Variants in ELMO3 observed in about 807,000 individuals in gnomAD.
The protein encoded by ELMO3 is engulfment and cell motility protein 3.
In ELMO3, 81 loss-of-function variants were observed where a neutral mutation model predicts 89.0. The observed-to-expected ratio is 0.91, with a 90% CI of 0.76 to 1.09. The LOEUF (loss-of-function observed/expected upper bound fraction) is 1.09. Ranked by LOEUF, ELMO3 falls within the 50% of genes least tolerant of loss-of-function variation. The probability of loss-of-function intolerance (pLI) is 0.00; values close to 1 mark genes in which losing one functional copy is unlikely to be tolerated. For synonymous variants in ELMO3, 406 were observed against 400.6 expected, an observed-to-expected ratio of 1.01 and a Z score of -0.16; for missense variants, 959 against 972.8, an observed-to-expected ratio of 0.99 and a Z score of 0.19.
At position 67,200,944 on chromosome 16, in the gene ELMO3, G is replaced by C; in HGVS notation, c.720G>C (p.Gln240His). 1 of 1,611,944 alleles carries C rather than the reference G, an allele frequency of 6.2e-7. No individual in the cohort carries two copies. Among genetic ancestry groups the C allele is most frequent in the Non-Finnish European group, 8.5e-7 (1 of 1,179,426 alleles). The change falls in exon 8 of 20, where the codon CAG becomes CAC. Residue 240 changes from glutamine (Q) to histidine (H), a missense_variant. By Grantham distance (24) the Gln-to-His change is conservative (BLOSUM62 0). Transcript: ENST00000393997. ...TGGCCCTGCTGACAGCCTTGCTGCA[G>C]GGGGCCAGCCCTGTGGAACGCAAGG... ...KAMALLTALLQGASPVERKHM... is the reference protein window; with the variant it reads ...KAMALLTALLHGASPVERKHM...
chr16:67,200,247 G>C lies in ELMO3; in HGVS notation c.299G>C (p.Arg100Pro). The change falls in exon 5 of 20, where the codon CGC becomes CCC. Residue 100 changes from arginine (R) to proline (P), a missense_variant. Physicochemically the swap from Arg to Pro is moderately radical, Grantham distance 103. Coordinates refer to ENST00000393997, the MANE Select transcript of ELMO3 (RefSeq NM_024712.5). Reference protein sequence around the residue: ...GGLQSNSPEGRREALRRLVPL... With the variant: ...GGLQSNSPEGPREALRRLVPL... ...CTGCAGAGTAACAGTCCTGAAGGGC[G>C]CCGGGAAGCCCTGAGGCGCCTTGTT... 6.2e-7 allele frequency: 1 copy of C among 1,613,734 alleles called. No individual in the cohort carries two copies. The highest frequency in any genetic ancestry group is 8.5e-7 in the Non-Finnish European group (1 of 1,180,030).
At position 67,203,377 on chromosome 16, in the gene ELMO3, G is replaced by A; in HGVS notation, c.1831G>A (p.Val611Ile). The A allele has an allele frequency of 1.2e-6, 2 of 1,610,404 alleles. No individual in the cohort carries two copies. Among genetic ancestry groups the A allele is most frequent in the Non-Finnish European group, 1.7e-6 (2 of 1,179,010 alleles). The part of the protein sequence containing the change: ...ALLTGKDCPH[V>I]REKGSGKQNK... Reference sequence around the variant, plus strand: ...CCTGACAGGCAAGGACTGCCCCCATGTCCGGGAGAAGGGCTCCGGGAAGCA... The same window carrying A: ...CCTGACAGGCAAGGACTGCCCCCATATCCGGGAGAAGGGCTCCGGGAAGCA... The change falls in exon 18 of 20, where the codon GTC becomes ATC. Residue 611 changes from valine to isoleucine, a missense_variant. Transcript: ENST00000393997. This position sits in a 1 kb window ranked among gnomAD's most constrained non-coding sequence, Gnocchi z 4.6.
In ELMO3 at chr16:67,200,748, C is replaced by T. The variant is rs1226650242; in HGVS notation, c.605C>T (p.Ala202Val). The change falls in exon 7 of 20, where the codon GCC becomes GTC. Residue 202 changes from alanine to valine, a missense_variant. Physicochemically the swap from Ala to Val is moderately conservative, Grantham distance 64. Transcript: ENST00000393997. ...GAGAGTGTGACCTTGAGCAGCCCAG[C>T]CCTGGGCCAGCTGGTCAAGAGCGAG... ...LLESVTLSSP[A>V]LGQLVKSEVP... 1 of 1,613,520 alleles carries T rather than the reference C, an allele frequency of 6.2e-7. No homozygotes were observed. The highest frequency in any genetic ancestry group is 8.5e-7 in the Non-Finnish European group (1 of 1,179,978).
chr16:67,202,566 A>G (rs1248535599), intron 14 of ELMO3, 33 bp downstream of exon 14: 5 of 1,612,602 alleles, frequency 3.1e-6, no homozygotes, highest in Non-Finnish European at 4.2e-6. Flanking sequence ...GGCCTGGGCC[A>G]GGGCAGGGGG....
chr16:67,199,700 T>TC lies in ELMO3; in HGVS notation c.137dup (p.Glu47Ter), dbSNP rs1597279077. ...GCCCCTCAGGTGGAGCCTGACGCAC[T>TC]CTGAGCGTTACGCCCTGCAGTTTGC... On this transcript the variant is annotated frameshift_variant, in exon 3 of 20. Coordinates refer to ENST00000393997, the MANE Select transcript of ELMO3 (RefSeq NM_024712.5). LOFTEE classifies it high-confidence loss of function. 2.5e-6 allele frequency: 4 copies of TC among 1,610,812 alleles called. No individual in the cohort carries two copies. The East Asian group carries it at 8.9e-5, about 36-fold the overall frequency.
In ELMO3 at chr16:67,200,249, C is replaced by T. The variant is rs533198861; in HGVS notation, c.301C>T (p.Arg101Trp). The T allele has an allele frequency of 6.2e-6, 10 of 1,613,716 alleles. No homozygotes were observed. The highest frequency in any genetic ancestry group is 1.1e-5 in the South Asian group (1 of 91,082). Residue 101 changes from arginine to tryptophan, a missense_variant, in exon 5 of 20, where the codon CGG becomes TGG. Coordinates refer to ENST00000393997, the MANE Select transcript of ELMO3 (RefSeq NM_024712.5). ...GLQSNSPEGRREALRRLVPLA... is the reference protein window; with the variant it reads ...GLQSNSPEGRWEALRRLVPLA... ...GCAGAGTAACAGTCCTGAAGGGCGCCGGGAAGCCCTGAGGCGCCTTGTTCC... is the reference window on the plus strand; with the variant it reads ...GCAGAGTAACAGTCCTGAAGGGCGCTGGGAAGCCCTGAGGCGCCTTGTTCC...
chr16:67,203,143 C>G lies in ELMO3; in HGVS notation c.1700C>G (p.Ser567Cys). The change falls in exon 17 of 20, where the codon TCC becomes TGC. Residue 567 changes from serine to cysteine, a missense_variant. Coordinates refer to ENST00000393997, the MANE Select transcript of ELMO3 (RefSeq NM_024712.5). This position sits in a 1 kb window ranked among gnomAD's most constrained non-coding sequence, Gnocchi z 4.6. The stretch of plus-strand genomic sequence containing the variant: ...GATAAGCTGTGGTTCTGCTGCCTGT[C>G]CCCCAACCACAAGCTGCTGCAGTAC... ...RQDKLWFCCL[S>C]PNHKLLQYGD... 1.2e-6 allele frequency: 2 copies of G among 1,611,832 alleles called. No individual in the cohort carries two copies. The highest frequency in any genetic ancestry group is 1.7e-6 in the Non-Finnish European group (2 of 1,179,560).
Position 67,201,970 on chromosome 16 carries a change from C to G in ELMO3, c.1051-7C>G, listed in dbSNP as rs199699011. 5 of 1,612,396 alleles carry G rather than the reference C, an allele frequency of 3.1e-6. No homozygotes were observed. Among genetic ancestry groups the G allele is most frequent in the Non-Finnish European group, 3.4e-6 (4 of 1,179,708 alleles). The stretch of plus-strand genomic sequence containing the variant: ...CTTCTTGAACTGCCTGTGCCCACTT[C>G]CCCCAGAACAGCAACCCAGCACAGG... On this transcript the variant is annotated splice_polypyrimidine_tract_variant and splice_region_variant and intron_variant, in intron 11 of 19. Coordinates refer to ENST00000393997, the MANE Select transcript of ELMO3 (RefSeq NM_024712.5).
rs2033060795 is a variant in ELMO3 at position 67,199,987 on chromosome 16, C to T, written c.229C>T (p.Leu77Phe). 1 of 1,613,692 alleles carries T rather than the reference C, an allele frequency of 6.2e-7. No individual in the cohort carries two copies. Among genetic ancestry groups the T allele is most frequent in the Non-Finnish European group, 8.5e-7 (1 of 1,180,038 alleles). ...GATCAAGAATGGCAGCATCCTGTGC[C>T]TCAGCACGGCCCCAGTAATGCCCCT... ...AEIKNGSILC[L>F]STAPDLEAEQ... The change falls in exon 4 of 20, where the codon CTC becomes TTC. Residue 77 changes from leucine to phenylalanine, a missense_variant. Leu to Phe is a conservative substitution (Grantham distance 22, BLOSUM62 0). Coordinates refer to ENST00000393997, the MANE Select transcript of ELMO3 (RefSeq NM_024712.5).
At chr16:67,201,256 AC>A (rs1173414903) in intron 8 of ELMO3, 128 bp from the exon 9 acceptor site, 12 of 964,784 alleles carry the variant, frequency 1.2e-5, no homozygotes, top group Non-Finnish European at 1.6e-5. Context: ...ACGGGGTTTC[AC>A]TGTGTTAGCC....
intron 8 of ELMO3, 101 bp from the exon 9 acceptor site, chr16:67,201,284 C>T (rs964297170): frequency 1.3e-6 from 2 of 1,490,156 alleles, no homozygotes; most frequent in African/African-American, 1.4e-5. Context: ...GCCTCCATCT[C>T]CTGACCTCGT....
Position 67,200,707 on chromosome 16 carries a change from G to A in ELMO3, c.564G>A (p.Leu188=), listed in dbSNP as rs2142218771. Reference sequence around the variant, plus strand: ...TCATGGATGCCTCCGTGCCTCCCCTGGCCCTTGGGCTGCTGGAGAGTGTGA... The same window carrying A: ...TCATGGATGCCTCCGTGCCTCCCCTAGCCCTTGGGCTGCTGGAGAGTGTGA... ...MNLMDASVPP[L]ALGLLESVTL... The change falls in exon 7 of 20, where the codon CTG becomes CTA. Residue 188 remains leucine, a synonymous_variant. Transcript: ENST00000393997. The A allele has an allele frequency of 6.2e-7, 1 of 1,613,578 alleles. No individual in the cohort carries two copies. Among genetic ancestry groups the A allele is most frequent in the Non-Finnish European group, 8.5e-7 (1 of 1,180,006 alleles).
Position 67,200,314 on chromosome 16 carries a change from C to T in ELMO3, c.366C>T (p.Ser122=), listed in dbSNP as rs374854997. 155 of 1,613,764 alleles carry T rather than the reference C, an allele frequency of 9.6e-5. 1 individual carries two copies. Among genetic ancestry groups the T allele is most frequent in the Non-Finnish European group, 1.3e-4 (148 of 1,180,032 alleles). ...TGATCTTTGCCAGGGAGGTCATCAG[C>T]CGTAATGGGCTCCAGATACTAGGCA... ...SDMIFAREVI[S]RNGLQILGTI... Residue 122 remains serine, a synonymous_variant, in exon 5 of 20, where the codon AGC becomes AGT. Transcript: ENST00000393997.
chr16:67,202,354 G>A (rs956515054), intron 13 of ELMO3, 43 bp from the exon 14 acceptor site: 6 of 1,613,516 alleles, frequency 3.7e-6, no homozygotes, highest in Non-Finnish European at 5.1e-6. Flanking sequence ...GCCAGGGGCT[G>A]TATGCACTTT....
At chr16:67,202,824 C>T (rs757194329) in intron 15 of ELMO3, 34 bp downstream of exon 15, 1 of 1,611,860 alleles carries the variant, frequency 6.2e-7, no homozygotes, top group Admixed American at 1.7e-5. Context: ...CAGTCCTAGC[C>T]CTACCTTCCT....
chr16:67,201,734 G>C lies in ELMO3; in HGVS notation c.919-8G>C, dbSNP rs368459803. On this transcript the variant is annotated splice_region_variant and splice_polypyrimidine_tract_variant and intron_variant, in intron 10 of 19. Coordinates refer to ENST00000393997, the MANE Select transcript of ELMO3 (RefSeq NM_024712.5). Reference sequence around the variant, plus strand: ...ATCCCCTCCCCCGCCACCCAACACTGACCCCAGGAGCAGCGGGAGCAGCTG... The same window carrying C: ...ATCCCCTCCCCCGCCACCCAACACTCACCCCAGGAGCAGCGGGAGCAGCTG... 2.0e-5 allele frequency: 32 copies of C among 1,609,130 alleles called. No individual in the cohort carries two copies. Among genetic ancestry groups the C allele is most frequent in the Non-Finnish European group, 2.6e-5 (31 of 1,180,008 alleles).
At position 67,203,224 on chromosome 16, in the gene ELMO3, G is replaced by A. The variant is rs767397701; in HGVS notation, c.1780+1G>A. ...ACCCTGGAGAGTCTGCCCGAGCAAC[G>A]TAAGGCGGGCAGGGGCGGGGGCCAG... On this transcript the variant is annotated splice_donor_variant, in intron 17 of 19. Transcript: ENST00000393997. LOFTEE classifies it high-confidence loss of function. The surrounding 1 kb of genome is among the most constrained non-coding windows in gnomAD (Gnocchi z 4.6). 83 of 1,606,028 alleles carry A rather than the reference G, an allele frequency of 5.2e-5. No homozygotes were observed. In the South Asian group the frequency reaches 6.5e-4, roughly 13 times the overall value.
chr16:67,202,236 A>G lies in ELMO3; in HGVS notation c.1213A>G (p.Ile405Val). The change falls in exon 13 of 20, where the codon ATC becomes GTC. Residue 405 changes from isoleucine (I) to valine (V), a missense_variant. By Grantham distance (29) the Ile-to-Val change is conservative. Transcript: ENST00000393997. ...CGAGTGCCCCTTTGCCCGGGGCAGC[A>G]TCCAGCTGACGGTGCTGCTGTGTGA... Reference protein sequence around the residue: ...KHECPFARGSIQLTVLLCELL... With the variant: ...KHECPFARGSVQLTVLLCELL... 1 of 1,605,968 alleles carries G rather than the reference A, an allele frequency of 6.2e-7. No homozygotes were observed. The highest frequency in any genetic ancestry group is 8.5e-7 in the Non-Finnish European group (1 of 1,174,426).
At chr16:67,201,281 T>G in intron 8 of ELMO3, 104 bp from the exon 9 acceptor site, 1 of 1,233,084 alleles carries the variant, frequency 8.1e-7, no homozygotes. Flanking sequence ...TTGGCCTCCA[T>G]CTCCTGACCT....
Sources: allele counts gnomAD v4.1 joint callset, GRCh38; gene constraint gnomAD v4.1.1; non-coding constraint Gnocchi (gnomAD v3.1); transcripts MANE v1.5; gene names NCBI Gene and HGNC (gene_info 2026-07-23, HGNC 2026-07-21).